The following ZNF469 variants were observed in gnomAD, a reference collection of about 807,000 sequenced individuals.
ZNF469 encodes zinc finger protein 469.
ZNF469 carries 1 observed loss-of-function variant against 1.0 expected under a neutral mutation model. That is an observed-to-expected ratio of 1.00 (90% CI 0.35 to 4.73). The LOEUF (loss-of-function observed/expected upper bound fraction) is 4.73. Among genes scored for constraint, ZNF469 ranks in the 30% most tolerant of loss-of-function variants. ZNF469 has a pLI of 0.16. For synonymous variants in ZNF469, 2,703 were observed against 2,363.4 expected (o/e 1.14, Z -4.17); for missense variants, 6,100 against 5,356.3 (o/e 1.14, Z -4.33).
At chr16:88,333,516 C>T in the ZNF469 span, among the ~76,000 whole-genome samples, 68 of 147,884 alleles carry the variant, frequency 4.6e-4, no homozygotes, top group African/African-American at 1.6e-3. Flanking sequence ...TGCTGAGTCA[C>T]GGAAGAGGGG....
the ZNF469 span, among the ~76,000 whole-genome samples, chr16:88,211,748 C>T: frequency 6.6e-6 from 1 of 152,140 alleles, no homozygotes; most frequent in African/African-American, 2.4e-5. Flanking sequence ...CTGCTGTGAT[C>T]TCCACAAATT....
chr16:88,211,875 A>G, the ZNF469 span, among the ~76,000 whole-genome samples: 14 of 151,960 alleles, frequency 9.2e-5, no homozygotes, highest in East Asian at 2.3e-3. Context: ...TGGGAAGTTC[A>G]CCCAGCACCA....
At chr16:88,223,653 G>A in the ZNF469 span, among the ~76,000 whole-genome samples, 1 of 152,190 alleles carries the variant, frequency 6.6e-6, no homozygotes, top group East Asian at 1.9e-4. Flanking sequence ...TGCCTGGTGC[G>A]TGGGGCGTCC....
chr16:88,313,185 TC>T, the ZNF469 span, among the ~76,000 whole-genome samples: 4 of 152,344 alleles, frequency 2.6e-5, no homozygotes, highest in East Asian at 7.7e-4. Flanking sequence ...TTCTGAGATA[TC>T]TTTTTGTTGC....
In ZNF469 at chr16:88,434,485, C is replaced by A. The variant is rs1235363631; in HGVS notation, c.7015C>A (p.His2339Asn). 6.5e-7 allele frequency: 1 copy of A among 1,550,130 alleles called. No individual in the cohort carries two copies. Among genetic ancestry groups the A allele is most frequent in the Non-Finnish European group, 8.7e-7 (1 of 1,146,948 alleles). The change falls in exon 3 of 3, where the codon CAC (histidine) becomes AAC (asparagine). Residue 2339 changes from histidine to asparagine, a missense_variant. Transcript: ENST00000565624. Reference sequence around the variant, plus strand: ...TCCAAGCAATACTGCCCGCCTCGGCCACAGGGAGGGCCAGGCTGTCACAGC... The same window carrying A: ...TCCAAGCAATACTGCCCGCCTCGGCAACAGGGAGGGCCAGGCTGTCACAGC... ...YSPSNTARLG[H>N]REGQAVTAVP...
At chr16:88,142,219 A>G in the ZNF469 span, among the ~76,000 whole-genome samples, 14 of 152,238 alleles carry the variant, frequency 9.2e-5, no homozygotes, top group African/African-American at 3.4e-4. Flanking sequence ...TCCTTCCTGC[A>G]AGACCCGGCT....
the ZNF469 span, among the ~76,000 whole-genome samples, chr16:88,254,107 T>C: frequency 6.6e-6 from 1 of 152,194 alleles, no homozygotes; most frequent in African/African-American, 2.4e-5. Flanking sequence ...CACAAAGATA[T>C]TCTCTAGTGT....
the ZNF469 span, among the ~76,000 whole-genome samples, chr16:88,115,140 G>C: frequency 6.6e-6 from 1 of 152,142 alleles, no homozygotes; most frequent in African/African-American, 2.4e-5. Context: ...CGGGCTCTGC[G>C]CATTCAGGGT....
At chr16:88,243,472 G>A in the ZNF469 span, among the ~76,000 whole-genome samples, 8 of 152,154 alleles carry the variant, frequency 5.3e-5, no homozygotes, top group African/African-American at 1.2e-4. Flanking sequence ...TTTGGCACTT[G>A]TCCCCTCCTC....
chr16:88,174,472 G>A, the ZNF469 span, among the ~76,000 whole-genome samples: 1 of 112,558 alleles, frequency 8.9e-6, no homozygotes, highest in African/African-American at 3.8e-5. Flanking sequence ...TCGTCTGTCT[G>A]TCTGTCTATC....
the ZNF469 span, among the ~76,000 whole-genome samples, chr16:88,275,453 A>T: frequency 6.6e-6 from 1 of 152,150 alleles, no homozygotes; most frequent in Non-Finnish European, 1.5e-5. Flanking sequence ...AGGCACCAAG[A>T]ATCCAGTGCT....
the ZNF469 span, among the ~76,000 whole-genome samples, chr16:88,175,323 T>A: frequency 6.6e-6 from 1 of 152,214 alleles, no homozygotes; most frequent in Non-Finnish European, 1.5e-5. Context: ...GTCAGTAACA[T>A]GTGGAAGACC....
chr16:88,136,051 G>T, the ZNF469 span, among the ~76,000 whole-genome samples: 2 of 152,060 alleles, frequency 1.3e-5, no homozygotes, highest in Non-Finnish European at 2.9e-5. Context: ...GAGCCACCGC[G>T]CCCGGCCAGC....
the ZNF469 span, among the ~76,000 whole-genome samples, chr16:88,367,407 G>A: frequency 1.4e-3 from 220 of 152,336 alleles, no homozygotes; most frequent in Admixed American, 1.8e-3. Flanking sequence ...AGCATGTGAT[G>A]TGACTGGCTC....
chr16:88,162,743 A>C, the ZNF469 span, among the ~76,000 whole-genome samples: 1 of 150,964 alleles, frequency 6.6e-6, no homozygotes, highest in East Asian at 1.9e-4. Flanking sequence ...TGTGTCATAC[A>C]TCACATTTGT....
the ZNF469 span, among the ~76,000 whole-genome samples, chr16:88,204,137 G>A: frequency 2.8e-4 from 41 of 146,740 alleles, no homozygotes; most frequent in South Asian, 7.5e-3. Context: ...GAGGCGCTCC[G>A]TAACCCCATA....
chr16:88,101,291 T>C, the ZNF469 span, among the ~76,000 whole-genome samples: 2 of 152,212 alleles, frequency 1.3e-5, no homozygotes, highest in South Asian at 4.1e-4. Flanking sequence ...CAGTTGATGA[T>C]AGGGAGTGCT....
chr16:88,256,272 T>C, the ZNF469 span, among the ~76,000 whole-genome samples: 1 of 152,228 alleles, frequency 6.6e-6, no homozygotes, highest in Non-Finnish European at 1.5e-5. Flanking sequence ...AGTTTTGCCT[T>C]TTCCAGGATG....
the ZNF469 span, among the ~76,000 whole-genome samples, chr16:88,185,664 C>T: frequency 6.6e-5 from 10 of 151,880 alleles, no homozygotes; most frequent in Non-Finnish European, 1.5e-4. Flanking sequence ...TATATGCACA[C>T]ACTCATGTGC....
Sources: allele counts gnomAD v4.1 joint callset (sites outside exome capture counted in the v4.1 genomes callset), GRCh38; gene constraint gnomAD v4.1.1; transcripts MANE v1.5; gene names NCBI Gene and HGNC (gene_info 2026-07-23, HGNC 2026-07-21).